The following ZNF366 variants were observed in gnomAD, a reference collection of about 807,000 sequenced individuals.
ZNF366 encodes dendritic cell-specific transcript protein.
In ZNF366, 20 loss-of-function variants were observed where a neutral mutation model predicts 47.2. The ratio of observed to expected loss-of-function variants is 0.42; its 90% CI spans 0.30 to 0.62. The LOEUF is 0.62. Among genes scored for constraint, ZNF366 ranks in the 20% least tolerant of loss-of-function variants. The pLI, the probability that ZNF366 is intolerant of heterozygous loss-of-function variation, is 0.16. For missense variants in ZNF366, 987 were observed against 976.3 expected (o/e 1.01, Z -0.15); for synonymous variants, 421 against 395.1 (o/e 1.07, Z -0.78).
chr5:72,443,526 C>T lies in ZNF366; in HGVS notation c.*230G>A, dbSNP rs1023449322. 4.1e-6 allele frequency: 2 copies of T among 490,402 alleles called. No individual in the cohort carries two copies. Among genetic ancestry groups the T allele is most frequent in the South Asian group, 6.8e-5 (2 of 29,402 alleles). The allele number at this position is 490,402 out of a possible 1,614,324, so 30.4% of individuals were successfully genotyped here. The stretch of plus-strand genomic sequence containing the variant: ...GAATACTCACAGTTTATTATACTGG[C>T]AATGCATAAAACGCCACTGATGAAG... On this transcript the variant is annotated 3_prime_UTR_variant, in exon 5 of 5. Transcript: ENST00000318442.
intron 1 of ZNF366, among the ~76,000 whole-genome samples, chr5:72,475,397 C>G (rs1743652500): frequency 6.6e-6 from 1 of 152,152 alleles, no homozygotes; most frequent in Non-Finnish European, 1.5e-5. Context: ...GGAGGAAACT[C>G]ACTAAAGATC....
chr5:72,458,163 C>T (rs1349126224), intron 2 of ZNF366, among the ~76,000 whole-genome samples: 1 of 151,728 alleles, frequency 6.6e-6, no homozygotes, highest in African/African-American at 2.4e-5. Flanking sequence ...ACTACAGGTA[C>T]CCGCCACCAT....
At position 72,487,289 on chromosome 5, in the gene ZNF366, G is replaced by A. The variant is rs1041005484; in HGVS notation, c.-15+19962C>T. Among the ~76,000 whole-genome samples the A allele has an allele frequency of 1.3e-5, 2 of 152,324 alleles. 1 individual carries two copies. Among genetic ancestry groups the A allele is most frequent in the South Asian group, 4.1e-4 (2 of 4,822 alleles). On this transcript the variant is annotated intron_variant, in intron 1 of 4. Transcript: ENST00000318442. ...ACTTTACACCTCATTAGGCTGAGCA[G>A]TGCTTGAGCTCGTGCTTTATGGATT...
chr5:72,465,779 T>C lies in ZNF366; in HGVS notation c.-14-4269A>G, dbSNP rs368244464. 3.1e-4 allele frequency among the ~76,000 whole-genome samples: 47 copies of C among 152,304 alleles called. No homozygotes were observed. The South Asian group carries it at 9.8e-3, about 32-fold the overall frequency. The stretch of plus-strand genomic sequence containing the variant: ...GAAGAACTGAAAATGTAAAAGCCGC[T>C]GCGTGTGGGATAATGGAAAGAGCGT... On this transcript the variant is annotated intron_variant, in intron 1 of 4. Coordinates refer to ENST00000318442, the MANE Select transcript of ZNF366 (RefSeq NM_152625.3).
At chr5:72,485,577 T>C (rs1743874947) in intron 1 of ZNF366, among the ~76,000 whole-genome samples, 2 of 152,184 alleles carry the variant, frequency 1.3e-5, no homozygotes, top group South Asian at 2.1e-4. Flanking sequence ...TCCAGGATCA[T>C]TGTAACAGCC....
At chr5:72,504,973 A>G (rs965965599) in intron 1 of ZNF366, among the ~76,000 whole-genome samples, 3 of 152,226 alleles carry the variant, frequency 2.0e-5, no homozygotes, top group South Asian at 2.1e-4. Context: ...GTAGTACAAC[A>G]ACAGAGACTG....
chr5:72,462,548 T>TTTCTTTCTTTCTTTC (rs1491183598), intron 1 of ZNF366, among the ~76,000 whole-genome samples: 2 of 24,504 alleles, frequency 8.2e-5, no homozygotes, highest in African/African-American at 4.7e-4. Context: ...TCTTTCTTTC[T>TTTCTTTCTTTCTTTC]TTTTTTTTTT....
At chr5:72,472,315 T>C (rs1743583263) in intron 1 of ZNF366, among the ~76,000 whole-genome samples, 1 of 152,272 alleles carries the variant, frequency 6.6e-6, no homozygotes, top group African/African-American at 2.4e-5. Context: ...CTACATTTCC[T>C]TGACTAACAT....
chr5:72,479,927 A>G lies in ZNF366; in HGVS notation c.-14-18417T>C, dbSNP rs377709997. On this transcript the variant is annotated intron_variant, in intron 1 of 4. Transcript: ENST00000318442. ...CACATACTAATATAACCAAGACTTC[A>G]GCCTGAGAACTTGAACAAAGGGTGA... Among the ~76,000 whole-genome samples the G allele has an allele frequency of 3.3e-5, 5 of 152,354 alleles. No individual in the cohort carries two copies. In the East Asian group the frequency reaches 7.7e-4, roughly 23 times the overall value.
chr5:72,469,495 G>GATATTCATAT (rs547459398), intron 1 of ZNF366, among the ~76,000 whole-genome samples: 279 of 152,340 alleles, frequency 1.8e-3, no homozygotes, highest in African/African-American at 5.8e-3. Context: ...TTTGTGGAAT[G>GATATTCATAT]TGTCCAATGA....
At chr5:72,502,283 T>C (rs1265303898) in intron 1 of ZNF366, among the ~76,000 whole-genome samples, 3 of 152,238 alleles carry the variant, frequency 2.0e-5, no homozygotes, top group Non-Finnish European at 4.4e-5. Flanking sequence ...CATGTTCTTA[T>C]TCTTTTATGT....
At chr5:72,472,567 CA>C (rs1243100807) in intron 1 of ZNF366, 46 of 985,174 alleles carry the variant, frequency 4.7e-5, no homozygotes, top group Non-Finnish European at 5.2e-5. Context: ...TTAAGAAAGC[CA>C]GTAAGTATAA....
rs1580228448 is a variant in ZNF366, at chr5:72,444,078, T to C, written c.1913A>G (p.Gln638Arg). The change falls in exon 5 of 5, where the codon CAG becomes CGG. Residue 638 changes from glutamine to arginine, a missense_variant. Physicochemically the swap from Gln to Arg is conservative, Grantham distance 43. Coordinates refer to ENST00000318442, the MANE Select transcript of ZNF366 (RefSeq NM_152625.3). The part of the protein sequence containing the change: ...VEPYSPGLAP[Q>R]SQQLCTPEDL... ...CTCGGGTGTGCAGAGCTGCTGGCTC[T>C]GGGGGGCCAGGCCAGGGCTGTAGGG... is the stretch of plus-strand genomic sequence containing the variant. 6.2e-7 allele frequency: 1 copy of C among 1,614,136 alleles called. No individual in the cohort carries two copies.
chr5:72,490,326 C>G (rs577484348), intron 1 of ZNF366, among the ~76,000 whole-genome samples: 2 of 152,180 alleles, frequency 1.3e-5, no homozygotes, highest in Admixed American at 1.3e-4. Context: ...GAGTTTTACT[C>G]AAAGGGTAAA....
chr5:72,494,214 C>T (rs1434934040), intron 1 of ZNF366: 1 of 152,148 alleles, frequency 6.6e-6, no homozygotes, highest in African/African-American at 2.4e-5. Context: ...TGCAATAACT[C>T]TACATTACCC....
chr5:72,471,228 T>A (rs1743556667), intron 1 of ZNF366, among the ~76,000 whole-genome samples: 1 of 152,198 alleles, frequency 6.6e-6, no homozygotes, highest in Non-Finnish European at 1.5e-5. Context: ...TTTCTTTTTA[T>A]TTTATGTAGT....
At chr5:72,454,706 C>T (rs1181873984) in intron 3 of ZNF366, among the ~76,000 whole-genome samples, 2 of 152,204 alleles carry the variant, frequency 1.3e-5, no homozygotes, top group Non-Finnish European at 2.9e-5. Context: ...GTAAACTCAA[C>T]ACAAGGAATG....
chr5:72,467,263 G>A (rs909384899), intron 1 of ZNF366, among the ~76,000 whole-genome samples: 1 of 152,278 alleles, frequency 6.6e-6, no homozygotes, highest in Non-Finnish European at 1.5e-5. Flanking sequence ...GAAAATATTG[G>A]GTTCATCTGT....
Position 72,461,627 on chromosome 5 carries a change from A to G in ZNF366, c.-14-117T>C. 3 of 1,321,558 alleles carry G rather than the reference A, an allele frequency of 2.3e-6. No individual in the cohort carries two copies. The South Asian group carries it at 4.5e-5, about 20-fold the overall frequency. The allele number at this position is 1,321,558 out of a possible 1,614,324, so 81.9% of individuals were successfully genotyped here. On this transcript the variant is annotated intron_variant, in intron 1 of 4. Coordinates refer to ENST00000318442, the MANE Select transcript of ZNF366 (RefSeq NM_152625.3). ...TTATGAAGAGTAGTACTTGCTTAAT[A>G]TGGACCCTCATTTATCCTAGGGCTG...
Sources: gnomAD v4.1 joint callset for allele counts (sites outside exome capture counted in the v4.1 genomes callset) on GRCh38, gnomAD v4.1.1 for gene constraint, MANE v1.5 for transcripts, NCBI Gene and HGNC (gene_info 2026-07-23, HGNC 2026-07-21) for gene names.